The following TENM2 variants were observed in gnomAD, a reference collection of about 807,000 sequenced individuals.
The protein encoded by TENM2 is teneurin transmembrane protein 2.
In TENM2, 52 loss-of-function variants were observed where a neutral mutation model predicts 245.2. The ratio of observed to expected loss-of-function variants is 0.21; its 90% CI spans 0.17 to 0.27. The LOEUF (loss-of-function observed/expected upper bound fraction) is 0.27, where lower values mean the gene tolerates loss of function less well. TENM2 is among the 10% of genes least tolerant of loss of function. The pLI, the probability that TENM2 is intolerant of heterozygous loss-of-function variation, is 1.00. For synonymous variants in TENM2, 1,363 were observed against 1,438.9 expected, an observed-to-expected ratio of 0.95 and a Z score of 1.19; for missense variants, 3,046 against 3,666.8, an observed-to-expected ratio of 0.83 and a Z score of 4.37.
the TENM2 span, among the ~76,000 whole-genome samples, chr5:167,065,768 A>G: frequency 0.63 from 95,528 of 152,126 alleles, 31,971 homozygotes; most frequent in African/African-American, 0.88. Context: ...GTGTTTATTC[A>G]TGGACTGGAT....
intron 2 of TENM2, among the ~76,000 whole-genome samples, chr5:167,796,955 T>C (rs1031558094): frequency 1.3e-5 from 2 of 152,058 alleles, no homozygotes; most frequent in African/African-American, 2.4e-5. Context: ...ACTGTCAATA[T>C]GGCATTGTCA....
At chr5:167,374,556 T>G (rs1190801621) in intron 1 of TENM2, among the ~76,000 whole-genome samples, 1 of 152,110 alleles carries the variant, frequency 6.6e-6, no homozygotes, top group Non-Finnish European at 1.5e-5. Context: ...AAATTGGGGT[T>G]CGTGGAGTTA....
intron 1 of TENM2, among the ~76,000 whole-genome samples, chr5:167,357,409 A>G (rs1235135144): frequency 1.3e-5 from 2 of 150,902 alleles, no homozygotes; most frequent in Non-Finnish European, 2.9e-5. Flanking sequence ...CAGCCTCCCG[A>G]GTAGCTGGGA....
At chr5:167,747,503 C>G (rs1439906807) in intron 2 of TENM2, among the ~76,000 whole-genome samples, 1 of 152,178 alleles carries the variant, frequency 6.6e-6, no homozygotes, top group Non-Finnish European at 1.5e-5. Flanking sequence ...ACAACTTTCT[C>G]AAAGATATGC....
chr5:167,002,385 C>T, the TENM2 span, among the ~76,000 whole-genome samples: 1 of 152,142 alleles, frequency 6.6e-6, no homozygotes, highest in African/African-American at 2.4e-5. Flanking sequence ...CATTGTCCTC[C>T]AGCCTGGGTC....
chr5:168,032,169 T>C (rs1787206464), intron 5 of TENM2, among the ~76,000 whole-genome samples: 3 of 152,204 alleles, frequency 2.0e-5, no homozygotes, highest in South Asian at 2.1e-4. Context: ...ATAGTTCCCA[T>C]AGTTAAGCTA....
At chr5:167,283,241 G>T (rs902746515), upstream of TENM2, among the ~76,000 whole-genome samples, 3 of 151,814 alleles carry the variant, frequency 2.0e-5, no homozygotes, top group South Asian at 2.1e-4. Flanking sequence ...TAGAGACGGG[G>T]TTTCACTATG....
At chr5:167,117,000 A>C in the TENM2 span, among the ~76,000 whole-genome samples, 1 of 152,198 alleles carries the variant, frequency 6.6e-6, no homozygotes, top group African/African-American at 2.4e-5. Context: ...GTACTTGAAG[A>C]ATTTAACCCA....
chr5:167,053,150 G>T, the TENM2 span, among the ~76,000 whole-genome samples: 79 of 152,102 alleles, frequency 5.2e-4, 1 homozygote, highest in South Asian at 0.016. Flanking sequence ...TCAAGACTTG[G>T]CCATATGTTA....
intron 2 of TENM2, among the ~76,000 whole-genome samples, chr5:167,392,104 C>G (rs1195353193): frequency 2.0e-5 from 3 of 152,084 alleles, no homozygotes; most frequent in Non-Finnish European, 4.4e-5. Flanking sequence ...AACCCACAGT[C>G]TTTTTTCCTT....
At chr5:168,223,430 T>C (rs189903912) in intron 23 of TENM2, among the ~76,000 whole-genome samples, 29 of 152,286 alleles carry the variant, frequency 1.9e-4, no homozygotes, top group African/African-American at 7.0e-4. Flanking sequence ...ACCTTTTGTT[T>C]CTGTTTATTA....
At chr5:168,158,734 C>T (rs949877922) in intron 12 of TENM2, among the ~76,000 whole-genome samples, 21 of 146,584 alleles carry the variant, frequency 1.4e-4, no homozygotes, top group Admixed American at 8.9e-4. Context: ...CCAAGGCAGG[C>T]GGATCACTTG....
At chr5:167,843,341 C>T (rs1007992448) in intron 2 of TENM2, among the ~76,000 whole-genome samples, 2 of 152,124 alleles carry the variant, frequency 1.3e-5, no homozygotes, top group African/African-American at 4.8e-5. Context: ...TGAGGGAAAT[C>T]GCACTTTTGA....
intron 2 of TENM2, among the ~76,000 whole-genome samples, chr5:167,656,610 A>G (rs1238279381): frequency 6.6e-6 from 1 of 152,128 alleles, no homozygotes; most frequent in Non-Finnish European, 1.5e-5. Context: ...AGTCTGAAGC[A>G]TAAAACTTTT....
rs558882824 is a variant in TENM2 at position 167,630,811 on chromosome 5, C to G, written c.503-245175C>G. ...ATTAACACAGGAGAGATACTTGGAG[C>G]TATATCTGTGCATAGCTTTTCTCTC... On this transcript the variant is annotated intron_variant, in intron 2 of 28. Transcript: ENST00000518659. Among the ~76,000 whole-genome samples, 113 of 152,310 alleles carry G rather than the reference C, an allele frequency of 7.4e-4. 1 individual carries two copies. The highest frequency in any genetic ancestry group is 2.6e-3 in the African/African-American group (110 of 41,556).
chr5:167,335,248 A>T (rs997801155), intron 1 of TENM2, among the ~76,000 whole-genome samples: 1 of 152,150 alleles, frequency 6.6e-6, no homozygotes, highest in Non-Finnish European at 1.5e-5. Context: ...GGTGCCACAC[A>T]TTTTAAAATG....
rs557537722 is a variant in TENM2 at position 167,426,501 on chromosome 5, A to C, written c.502+51028A>C. 2.6e-3 allele frequency among the ~76,000 whole-genome samples: 373 copies of C among 142,886 alleles called. 1 individual carries two copies. The highest frequency in any genetic ancestry group is 9.6e-3 in the African/African-American group (355 of 37,112). The allele number at this position is 142,886 out of a possible 152,430, so 93.7% of individuals were successfully genotyped here. A position where few individuals can be genotyped will look rare whatever the true frequency, so the allele number is the denominator to read the frequency against. Reference sequence around the variant, plus strand: ...GGGGTGGGAAGATTGCTTGAGCCCAAGTGTTTGAGACCAACCTGGGCAACA... The same window carrying C: ...GGGGTGGGAAGATTGCTTGAGCCCACGTGTTTGAGACCAACCTGGGCAACA... On this transcript the variant is annotated intron_variant, in intron 2 of 28. Coordinates refer to ENST00000518659, the Ensembl canonical transcript of TENM2.
chr5:167,886,037 T>A (rs1774262343), intron 3 of TENM2, among the ~76,000 whole-genome samples: 1 of 152,198 alleles, frequency 6.6e-6, no homozygotes, highest in Non-Finnish European at 1.5e-5. Context: ...CCCTTGTGTG[T>A]CTTCTCCCTC....
At chr5:168,002,400 A>G (rs1281827908) in intron 5 of TENM2, among the ~76,000 whole-genome samples, 1 of 152,222 alleles carries the variant, frequency 6.6e-6, no homozygotes, top group African/African-American at 2.4e-5. Flanking sequence ...TGAGCATTTT[A>G]AAGTCACGTT....
Sources: gnomAD v4.1 joint callset for allele counts (sites outside exome capture counted in the v4.1 genomes callset) on GRCh38, gnomAD v4.1.1 for gene constraint, MANE v1.5 for transcripts, NCBI Gene and HGNC (gene_info 2026-07-23, HGNC 2026-07-21) for gene names.